The following LSAMP variants were observed in gnomAD, a reference collection of about 807,000 sequenced individuals.
LSAMP encodes limbic system associated membrane protein, also known as limbic system-associated membrane protein.
A neutral mutation model predicts 38.6 loss-of-function variants in LSAMP; 7 were observed. The observed-to-expected ratio is 0.18, with a 90% CI of 0.10 to 0.34. LSAMP has a LOEUF of 0.34. LSAMP is among the 10% of genes least tolerant of loss of function. The pLI is 1.00. For synonymous variants in LSAMP, 154 were observed against 166.8 expected (o/e 0.92, Z 0.59); for missense variants, 313 against 420.0 (o/e 0.75, Z 2.23).
In LSAMP at chr3:116,190,128, C is replaced by CACAT. The variant is rs768880292; in HGVS notation, c.156-103573_156-103572insATGT. ...ACACACACACACACACACACACACA[C>CACAT]ATGCATTAAGAAATCTCCACAGCTA... On this transcript the variant is annotated intron_variant, in intron 1 of 6. Coordinates refer to ENST00000490035, the MANE Select transcript of LSAMP (RefSeq NM_002338.5). 6.2e-3 allele frequency among the ~76,000 whole-genome samples: 911 copies of CACAT among 146,404 alleles called. 8 individuals carry two copies. The highest frequency in any genetic ancestry group is 0.019 in the African/African-American group (768 of 39,926).
chr3:116,301,781 T>C (rs919620474), intron 1 of LSAMP, among the ~76,000 whole-genome samples: 1 of 151,512 alleles, frequency 6.6e-6, no homozygotes, highest in African/African-American at 2.4e-5. Context: ...TTAAAACTTA[T>C]AAAGATAATA....
chr3:116,345,845 G>T (rs1470190013), intron 1 of LSAMP, among the ~76,000 whole-genome samples: 1 of 152,002 alleles, frequency 6.6e-6, no homozygotes, highest in Non-Finnish European at 1.5e-5. Context: ...AACAAAACAA[G>T]ACAAAACCAA....
chr3:116,225,589 C>G (rs148956955), intron 1 of LSAMP, among the ~76,000 whole-genome samples: 1 of 152,162 alleles, frequency 6.6e-6, no homozygotes, highest in African/African-American at 2.4e-5. Context: ...GGTATTGAGG[C>G]TATGTAGAAA....
At chr3:116,220,966 A>C (rs964637353) in intron 1 of LSAMP, among the ~76,000 whole-genome samples, 1 of 152,052 alleles carries the variant, frequency 6.6e-6, no homozygotes, top group African/African-American at 2.4e-5. Context: ...CATCCTGGCT[A>C]ACACGGTGAA....
At chr3:116,410,225 TA>T (rs142945970) in intron 1 of LSAMP, among the ~76,000 whole-genome samples, 14,086 of 152,034 alleles carry the variant, frequency 0.093, 795 homozygotes, top group African/African-American at 0.16. Context: ...TTATACCGAA[TA>T]GGGGGGACAG....
In LSAMP at chr3:115,806,592, A is replaced by G. The variant is rs1933635645; in HGVS notation, c.*3725T>C. On this transcript the variant is annotated 3_prime_UTR_variant, in exon 7 of 7. Transcript: ENST00000490035. ...CAGATTTTTGTTTGGTCCTCCAAGA[A>G]CGTGAAAATCACGAGTACTTTTACA... 1 of 152,192 alleles carries G rather than the reference A, an allele frequency of 6.6e-6. No individual in the cohort carries two copies. The highest frequency in any genetic ancestry group is 6.5e-5 in the Admixed American group (1 of 15,278). The allele number at this position is 152,192 out of a possible 1,614,324, so 9.4% of individuals were successfully genotyped here.
At chr3:116,435,164 C>A (rs1016870376) in intron 1 of LSAMP, among the ~76,000 whole-genome samples, 33 of 152,276 alleles carry the variant, frequency 2.2e-4, no homozygotes, top group African/African-American at 6.7e-4. Context: ...CTGAGATTAA[C>A]CTTCAAGTCA....
At chr3:115,974,376 A>G (rs1290987098) in intron 3 of LSAMP, among the ~76,000 whole-genome samples, 1 of 152,134 alleles carries the variant, frequency 6.6e-6, no homozygotes, top group Non-Finnish European at 1.5e-5. Flanking sequence ...TAAAAAGAAA[A>G]AAGAAATAAA....
intron 1 of LSAMP, among the ~76,000 whole-genome samples, chr3:116,236,233 ATTG>A (rs1285086841): frequency 1.3e-5 from 2 of 152,120 alleles, no homozygotes; most frequent in African/African-American, 4.8e-5. Flanking sequence ...TTTTTAAAAT[ATTG>A]TTAATCTATT....
intron 1 of LSAMP, among the ~76,000 whole-genome samples, chr3:116,357,503 AAAT>A (rs35342484): frequency 0.093 from 14,086 of 152,100 alleles, 723 homozygotes; most frequent in Middle Eastern, 0.14. Flanking sequence ...AACGCTAATT[AAAT>A]AATATAATTT....
At chr3:116,021,165 A>T (rs1306865517) in intron 2 of LSAMP, among the ~76,000 whole-genome samples, 3 of 152,116 alleles carry the variant, frequency 2.0e-5, no homozygotes, top group African/African-American at 7.2e-5. Context: ...ACTGTAGTTG[A>T]TTCCAAATAT....
intron 1 of LSAMP, among the ~76,000 whole-genome samples, chr3:116,137,135 C>T (rs1221095484): frequency 6.6e-6 from 1 of 152,030 alleles, no homozygotes; most frequent in African/African-American, 2.4e-5. Context: ...GCCTTCTTCC[C>T]AGTGTCTCTC....
At chr3:115,871,485 A>T (rs1936031220) in intron 3 of LSAMP, among the ~76,000 whole-genome samples, 1 of 152,086 alleles carries the variant, frequency 6.6e-6, no homozygotes, top group African/African-American at 2.4e-5. Context: ...AAATATTAGC[A>T]GTGCAGTGCT....
intron 3 of LSAMP, among the ~76,000 whole-genome samples, chr3:116,015,056 C>T (rs1940437501): frequency 1.3e-5 from 2 of 152,140 alleles, no homozygotes; most frequent in Non-Finnish European, 2.9e-5. Flanking sequence ...TCTTCAGACT[C>T]CTCTTAGCTT....
chr3:116,016,052 C>A (rs1016185031), intron 3 of LSAMP, among the ~76,000 whole-genome samples: 1 of 151,952 alleles, frequency 6.6e-6, no homozygotes, highest in Non-Finnish European at 1.5e-5. Context: ...GGGTTGCAGG[C>A]AGCTTTGCTG....
chr3:116,266,102 A>G (rs1234356671), intron 1 of LSAMP, among the ~76,000 whole-genome samples: 1 of 152,122 alleles, frequency 6.6e-6, no homozygotes, highest in Non-Finnish European at 1.5e-5. Context: ...CAATTACTTA[A>G]AACTTCATAC....
intron 1 of LSAMP, among the ~76,000 whole-genome samples, chr3:116,270,068 AC>A: frequency 6.6e-6 from 1 of 152,290 alleles, no homozygotes; most frequent in East Asian, 1.9e-4. Flanking sequence ...CAATCCTGTT[AC>A]CCAATTTACT....
intron 6 of LSAMP, among the ~76,000 whole-genome samples, chr3:115,824,669 C>T (rs964330913): frequency 1.3e-5 from 2 of 148,264 alleles, no homozygotes; most frequent in African/African-American, 5.0e-5. Flanking sequence ...ACCGTTGAGT[C>T]ATTGCACTCC....
chr3:115,951,028 G>A (rs1428527429), intron 3 of LSAMP, among the ~76,000 whole-genome samples: 1 of 152,070 alleles, frequency 6.6e-6, no homozygotes, highest in Non-Finnish European at 1.5e-5. Context: ...TGTAGGAAAG[G>A]AGATCCTGTT....
Sources: allele counts gnomAD v4.1 joint callset (sites outside exome capture counted in the v4.1 genomes callset), GRCh38; gene constraint gnomAD v4.1.1; transcripts MANE v1.5; gene names NCBI Gene and HGNC (gene_info 2026-07-23, HGNC 2026-07-21).